Variants in MAST4 observed in about 807,000 individuals in gnomAD.
MAST4 encodes the protein microtubule associated serine/threonine kinase family member 4.
A neutral mutation model predicts 162.7 loss-of-function variants in MAST4; 89 were observed. The observed-to-expected ratio is 0.55, with a 90% CI of 0.46 to 0.65. MAST4 has a LOEUF of 0.65. MAST4 is among the 30% of genes least tolerant of loss of function. The pLI is 0.00. For synonymous variants in MAST4, 1,479 were observed against 1,361.1 expected, an observed-to-expected ratio of 1.09 and a Z score of -1.91; for missense variants, 3,153 against 3,374.0, an observed-to-expected ratio of 0.93 and a Z score of 1.62.
intron 22 of MAST4, 73 bp from the exon 23 acceptor site, chr5:67,145,071 G>C: frequency 7.5e-7 from 1 of 1,324,694 alleles, no homozygotes; most frequent in Non-Finnish European, 1.1e-6. Context: ...TTTTCACCTG[G>C]TTTCTTCCAA....
At chr5:66,827,924 C>T (rs1757350969) in intron 3 of MAST4, among the ~76,000 whole-genome samples, 1 of 152,170 alleles carries the variant, frequency 6.6e-6, no homozygotes. Context: ...TAATATTCAT[C>T]TCTTGGTTGC....
chr5:67,166,099 C>T lies in MAST4; in HGVS notation c.6920C>T (p.Pro2307Leu). ...GAGAAGCCTGTGCATTTGCCAAGGC[C>T]GGGACACCCAGGGCCTAGTGAGCCA... is the stretch of plus-strand genomic sequence containing the variant. Reference protein sequence around the residue: ...VLEKPVHLPRPGHPGPSEPAD... With the variant: ...VLEKPVHLPRLGHPGPSEPAD... Residue 2307 changes from proline to leucine, a missense_variant, in exon 29 of 29, where the codon CCG becomes CTG. This residue lies in a region of MAST4 where 1,644 missense variants were observed against 1,495.0 expected (regional missense o/e 1.10). Coordinates refer to ENST00000403625, the MANE Select transcript of MAST4 (RefSeq NM_001164664.2). 3.1e-6 allele frequency: 5 copies of T among 1,612,092 alleles called. No homozygotes were observed. The highest frequency in any genetic ancestry group is 3.3e-4 in the Middle Eastern group (2 of 6,058).
At chr5:66,743,613 G>T (rs2089591408) in intron 1 of MAST4, among the ~76,000 whole-genome samples, 1 of 152,140 alleles carries the variant, frequency 6.6e-6, no homozygotes. Flanking sequence ...TGGGCACAGG[G>T]TGGCCCCCAG....
chr5:67,004,734 C>G, intron 4 of MAST4: 1 of 440,796 alleles, frequency 2.3e-6, no homozygotes. Context: ...TAGGAGAGGG[C>G]AGACCCGAGA....
rs73764846 is a variant in MAST4 at position 66,690,212 on chromosome 5, C to G, written c.364-69497C>G. Among the ~76,000 whole-genome samples the G allele has an allele frequency of 2.6e-5, 4 of 152,150 alleles. No individual in the cohort carries two copies. In the Middle Eastern group the frequency reaches 0.014, roughly 518 times the overall value. ...GAACCACCATACTTGCCTTGTTTGC[C>G]GCAGAGAATTGTTAATTTGAGGGTC... On this transcript the variant is annotated intron_variant, in intron 1 of 28. Coordinates refer to ENST00000403625, the MANE Select transcript of MAST4 (RefSeq NM_001164664.2).
chr5:66,859,873 G>GT (rs1317880463), intron 3 of MAST4, among the ~76,000 whole-genome samples: 1 of 152,188 alleles, frequency 6.6e-6, no homozygotes, highest in East Asian at 1.9e-4. Context: ...GAGACTGTAG[G>GT]TCATATTGTT....
chr5:66,777,136 G>T (rs1754641514), intron 2 of MAST4, among the ~76,000 whole-genome samples: 1 of 152,192 alleles, frequency 6.6e-6, no homozygotes, highest in African/African-American at 2.4e-5. Context: ...CTAATAAATG[G>T]TGAAAGGAGG....
At position 66,743,063 on chromosome 5, in the gene MAST4, C is replaced by T. The variant is rs537793030; in HGVS notation, c.364-16646C>T. ...CTGGCCTGGAAGCTTCCACTCCCTG[C>T]GCGGCTCACCAGCTTCCTTCCTTTT... On this transcript the variant is annotated intron_variant, in intron 1 of 28. Transcript: ENST00000403625. 3.3e-5 allele frequency among the ~76,000 whole-genome samples: 5 copies of T among 152,310 alleles called. No individual in the cohort carries two copies. The East Asian group carries it at 9.7e-4, about 29-fold the overall frequency.
chr5:66,614,140 C>T (rs1743483338), intron 1 of MAST4, among the ~76,000 whole-genome samples: 1 of 152,240 alleles, frequency 6.6e-6, no homozygotes, highest in Admixed American at 6.5e-5. Context: ...CCCAAAGGAA[C>T]TTCTCTTTCA....
intron 3 of MAST4, among the ~76,000 whole-genome samples, chr5:66,883,422 GTTTTTTT>G (rs36071165): frequency 3.1e-5 from 3 of 97,252 alleles, no homozygotes; most frequent in East Asian, 4.8e-4. Flanking sequence ...TTCTGTCACT[GTTTTTTT>G]TTTTTTTTTT....
At chr5:67,097,548 G>A (rs1020600014) in intron 7 of MAST4, among the ~76,000 whole-genome samples, 6 of 152,026 alleles carry the variant, frequency 3.9e-5, no homozygotes, top group African/African-American at 1.4e-4. Flanking sequence ...TAATAAAGCT[G>A]ACCTGGTCGT....
intron 1 of MAST4, among the ~76,000 whole-genome samples, chr5:66,734,969 C>T (rs1013156378): frequency 3.9e-5 from 6 of 152,192 alleles, no homozygotes; most frequent in Non-Finnish European, 8.8e-5. Context: ...TATCTTCTGA[C>T]CTGTATCCAA....
chr5:66,711,591 T>A (rs13164407), intron 1 of MAST4, among the ~76,000 whole-genome samples: 1 of 152,036 alleles, frequency 6.6e-6, no homozygotes, highest in Non-Finnish European at 1.5e-5. Context: ...TCCCAGCAAT[T>A]TGGGAGGCCA....
chr5:66,701,082 A>G (rs2149511037), intron 1 of MAST4, among the ~76,000 whole-genome samples: 2 of 152,318 alleles, frequency 1.3e-5, no homozygotes, highest in South Asian at 4.1e-4. Flanking sequence ...AGTAATTACC[A>G]AAATAATTAT....
At chr5:66,799,477 A>G (rs1471874803) in intron 3 of MAST4, among the ~76,000 whole-genome samples, 1 of 152,206 alleles carries the variant, frequency 6.6e-6, no homozygotes, top group Non-Finnish European at 1.5e-5. Context: ...TAGCTGTTGA[A>G]GATGTGAACC....
chr5:67,039,428 A>G (rs1196689780), intron 4 of MAST4, among the ~76,000 whole-genome samples: 1 of 152,212 alleles, frequency 6.6e-6, no homozygotes, highest in Non-Finnish European at 1.5e-5. Context: ...GACACAGTGA[A>G]CAGGAACTCT....
chr5:66,881,072 T>G (rs1761662352), intron 3 of MAST4, among the ~76,000 whole-genome samples: 1 of 152,242 alleles, frequency 6.6e-6, no homozygotes, highest in South Asian at 2.1e-4. Context: ...GCACCAAGAC[T>G]GAAAACAAAA....
intron 4 of MAST4, among the ~76,000 whole-genome samples, chr5:67,026,902 A>T (rs1162800836): frequency 6.6e-6 from 1 of 152,168 alleles, no homozygotes. Context: ...CTTAATGCAG[A>T]TGAAAGAGAA....
At chr5:67,131,232 A>G (rs575670085) in intron 15 of MAST4, among the ~76,000 whole-genome samples, 2 of 152,230 alleles carry the variant, frequency 1.3e-5, no homozygotes, top group African/African-American at 4.8e-5. Context: ...CCACACCAAT[A>G]TTTTGCTTTT....
Sources: gnomAD v4.1 joint callset for allele counts (sites outside exome capture counted in the v4.1 genomes callset) on GRCh38, gnomAD v4.1.1 for gene constraint, gnomAD v4.1.1 regional missense constraint, MANE v1.5 for transcripts, NCBI Gene and HGNC (gene_info 2026-07-23, HGNC 2026-07-21) for gene names.